STAG1: variants seen among roughly 807,000 people sequenced by gnomAD.
STAG1 encodes cohesin subunit SA-1.
STAG1 carries 26 observed loss-of-function variants against 170.9 expected under a neutral mutation model. The observed-to-expected ratio is 0.15, with a 90% CI of 0.11 to 0.21. STAG1 has a LOEUF of 0.21. Among genes scored for constraint, STAG1 ranks in the 10% least tolerant of loss-of-function variants. The pLI is 1.00. For synonymous variants in STAG1, 514 were observed against 497.7 expected, an observed-to-expected ratio of 1.03 and a Z score of -0.44; for missense variants, 964 against 1,509.5, an observed-to-expected ratio of 0.64 and a Z score of 5.99.
intron 28 of STAG1, among the ~76,000 whole-genome samples, chr3:136,350,829 T>C (rs561164509): frequency 1.3e-5 from 2 of 152,264 alleles, no homozygotes; most frequent in African/African-American, 4.8e-5. Context: ...ACAGAGATCC[T>C]GATGGAGTGA....
rs568386874 is a variant in STAG1 at position 136,736,413 on chromosome 3, A to C, written c.-84+15782T>G. ...CAAATACTACTCTATGTTGGGGTGG[A>C]AGTGGGAGGAAAGAATGAGTCCTTC... On this transcript the variant is annotated intron_variant, in intron 1 of 33. Transcript: ENST00000383202. 104 of 957,592 alleles carry C rather than the reference A, an allele frequency of 1.1e-4. No individual in the cohort carries two copies. In the South Asian group the frequency reaches 1.3e-3, roughly 12 times the overall value. 59.3% of individuals were successfully genotyped at this position (957,592 alleles called of 1,614,324 possible).
intron 7 of STAG1, among the ~76,000 whole-genome samples, chr3:136,513,876 A>G (rs1196670751): frequency 6.6e-6 from 1 of 152,182 alleles, no homozygotes; most frequent in African/African-American, 2.4e-5. Context: ...CAAACAGCAG[A>G]AACAATTAAG....
intron 1 of STAG1, among the ~76,000 whole-genome samples, chr3:136,712,018 T>C (rs1183204051): frequency 6.6e-6 from 1 of 152,160 alleles, no homozygotes; most frequent in Non-Finnish European, 1.5e-5. Flanking sequence ...CAGATAACTT[T>C]TTTTGTTTGT....
intron 14 of STAG1, among the ~76,000 whole-genome samples, chr3:136,443,829 T>C (rs2088700159): frequency 6.6e-6 from 1 of 152,206 alleles, no homozygotes. Context: ...CTGTACTTAC[T>C]TCACATCTCT....
intron 9 of STAG1, chr3:136,499,893 C>T (rs1404294062): frequency 5.8e-6 from 1 of 171,218 alleles, no homozygotes; most frequent in East Asian, 1.8e-4. Flanking sequence ...AGAAGTAGGG[C>T]ACTTAATTTT....
chr3:136,453,412 A>T (rs1303503439), intron 13 of STAG1, among the ~76,000 whole-genome samples: 2 of 152,022 alleles, frequency 1.3e-5, no homozygotes, highest in Non-Finnish European at 2.9e-5. Context: ...TCACACAGTG[A>T]AACCCCATCT....
intron 7 of STAG1, among the ~76,000 whole-genome samples, chr3:136,512,596 G>A (rs886376107): frequency 3.9e-5 from 6 of 152,124 alleles, no homozygotes; most frequent in Admixed American, 1.3e-4. Context: ...GTTTGTGTGA[G>A]TGCCCTGAGT....
chr3:136,425,722 AT>A (rs946073863), intron 16 of STAG1, among the ~76,000 whole-genome samples: 35 of 149,556 alleles, frequency 2.3e-4, no homozygotes, highest in African/African-American at 7.3e-4. Flanking sequence ...ATATATATGT[AT>A]ATATATAAAC....
chr3:136,513,634 A>C (rs1373632458), intron 7 of STAG1, among the ~76,000 whole-genome samples: 1 of 152,160 alleles, frequency 6.6e-6, no homozygotes, highest in Non-Finnish European at 1.5e-5. Flanking sequence ...TGGAAACGAG[A>C]AACAAAATCT....
chr3:136,602,453 A>ACATTTCTGT (rs1202948812), intron 4 of STAG1, among the ~76,000 whole-genome samples: 25 of 152,110 alleles, frequency 1.6e-4, no homozygotes, highest in African/African-American at 6.0e-4. Flanking sequence ...ACATAAAAAT[A>ACATTTCTGT]CATTTCTGTC....
chr3:136,443,612 A>G (rs906434872), intron 14 of STAG1, among the ~76,000 whole-genome samples: 1 of 152,208 alleles, frequency 6.6e-6, no homozygotes, highest in African/African-American at 2.4e-5. Context: ...CATTTACAGT[A>G]GTAAAAGTAA....
intron 4 of STAG1, among the ~76,000 whole-genome samples, chr3:136,602,311 G>A (rs1207006837): frequency 1.3e-5 from 2 of 151,228 alleles, no homozygotes; most frequent in East Asian, 3.9e-4. Flanking sequence ...CCTGGGAGGC[G>A]GAGGTTGCAG....
intron 7 of STAG1, 92 bp downstream of exon 7, chr3:136,521,121 T>C (rs551038954): frequency 5.6e-6 from 6 of 1,070,166 alleles, no homozygotes; most frequent in African/African-American, 3.2e-5. Flanking sequence ...TCTAATTAAA[T>C]TTTTAATTAA....
intron 1 of STAG1, among the ~76,000 whole-genome samples, chr3:136,702,075 AAGAGAGAGAGAGAGAGAGAG>A (rs745623191): frequency 5.5e-4 from 51 of 92,216 alleles, no homozygotes; most frequent in African/African-American, 2.0e-3. Flanking sequence ...ACCATGCCGA[AAGAGAGAGAGAGAGAGAGAG>A]AGAGAGAGAG....
At chr3:136,399,367 C>T (rs1002100971) in intron 21 of STAG1, among the ~76,000 whole-genome samples, 7 of 152,274 alleles carry the variant, frequency 4.6e-5, no homozygotes, top group East Asian at 1.9e-4. Flanking sequence ...AATTATCTTT[C>T]TTCTCCCAAG....
chr3:136,435,541 T>A (rs1351638576), intron 15 of STAG1, among the ~76,000 whole-genome samples: 1 of 152,228 alleles, frequency 6.6e-6, no homozygotes, highest in East Asian at 1.9e-4. Context: ...ACTGGAATTA[T>A]GACTAGTACC....
intron 9 of STAG1, among the ~76,000 whole-genome samples, chr3:136,488,298 T>G (rs1293667290): frequency 2.0e-5 from 3 of 152,156 alleles, no homozygotes; most frequent in African/African-American, 4.8e-5. Flanking sequence ...AATTTTTGTA[T>G]TTTTAGTAGA....
At chr3:136,567,575 G>A (rs911487424) in intron 5 of STAG1, among the ~76,000 whole-genome samples, 4 of 152,146 alleles carry the variant, frequency 2.6e-5, no homozygotes, top group African/African-American at 7.2e-5. Flanking sequence ...CACACAGCCT[G>A]GGCTGCATCA....
intron 22 of STAG1, among the ~76,000 whole-genome samples, chr3:136,388,432 G>A (rs773997907): frequency 2.6e-5 from 4 of 152,082 alleles, no homozygotes; most frequent in Non-Finnish European, 5.9e-5. Context: ...GCAGTGGTGC[G>A]ATCTTGGCTC....
Sources: gnomAD v4.1 joint callset for allele counts (sites outside exome capture counted in the v4.1 genomes callset) on GRCh38, gnomAD v4.1.1 for gene constraint, MANE v1.5 for transcripts, NCBI Gene and HGNC (gene_info 2026-07-23, HGNC 2026-07-21) for gene names.